The following KCNB2 variants were observed in gnomAD, a reference collection of about 807,000 sequenced individuals.
KCNB2 encodes delayed rectifier potassium channel protein.
KCNB2 carries 15 observed loss-of-function variants against 61.5 expected under a neutral mutation model. The ratio of observed to expected loss-of-function variants is 0.24; its 90% CI spans 0.16 to 0.38. The LOEUF (loss-of-function observed/expected upper bound fraction) is 0.38, where lower values mean the gene tolerates loss of function less well. Ranked by LOEUF, KCNB2 falls within the 10% of genes least tolerant of loss-of-function variation. The pLI is 1.00. For synonymous variants in KCNB2, 457 were observed against 446.0 expected (o/e 1.02, Z -0.31); for missense variants, 828 against 1,125.2 (o/e 0.74, Z 3.78).
At chr8:72,730,182 A>G (rs1807718157) in intron 2 of KCNB2, among the ~76,000 whole-genome samples, 1 of 152,152 alleles carries the variant, frequency 6.6e-6, no homozygotes, top group African/African-American at 2.4e-5. Context: ...TGTCGCCTAG[A>G]GGGTGGGGGA....
intron 2 of KCNB2, among the ~76,000 whole-genome samples, chr8:72,862,818 CTTA>C (rs1351839040): frequency 6.6e-6 from 1 of 152,124 alleles, no homozygotes; most frequent in Non-Finnish European, 1.5e-5. Flanking sequence ...CTAATGAGCC[CTTA>C]TTATGTGCTA....
At chr8:72,812,564 C>T (rs1027829790) in intron 2 of KCNB2, among the ~76,000 whole-genome samples, 3 of 151,900 alleles carry the variant, frequency 2.0e-5, no homozygotes, top group Non-Finnish European at 4.4e-5. Context: ...AAATATTTAT[C>T]AATTCTTACT....
intron 2 of KCNB2, among the ~76,000 whole-genome samples, chr8:72,717,714 A>G (rs1277039751): frequency 2.0e-5 from 3 of 152,126 alleles, no homozygotes; most frequent in African/African-American, 7.2e-5. Flanking sequence ...AAAACCCTAG[A>G]AGAAAACCTA....
intron 2 of KCNB2, among the ~76,000 whole-genome samples, chr8:72,698,617 T>TA (rs1310703347): frequency 1.3e-5 from 2 of 152,176 alleles, no homozygotes; most frequent in African/African-American, 4.8e-5. Flanking sequence ...CAAACTATAC[T>TA]ATAAGGCTAC....
At chr8:72,695,603 A>G (rs754365653) in intron 2 of KCNB2, among the ~76,000 whole-genome samples, 2 of 152,212 alleles carry the variant, frequency 1.3e-5, no homozygotes, top group African/African-American at 4.8e-5. Flanking sequence ...TGATTCATTC[A>G]TGATCTTATG....
intron 2 of KCNB2, among the ~76,000 whole-genome samples, chr8:72,582,902 G>A (rs1003701410): frequency 6.6e-6 from 1 of 152,170 alleles, no homozygotes; most frequent in African/African-American, 2.4e-5. Context: ...TTACAGGCAT[G>A]AGCCACCATG....
chr8:72,570,042 C>T (rs775999199), intron 2 of KCNB2, among the ~76,000 whole-genome samples: 4 of 152,024 alleles, frequency 2.6e-5, no homozygotes, highest in Non-Finnish European at 4.4e-5. Context: ...AGAATAAGGT[C>T]AACAACCTGA....
At chr8:72,776,280 T>G (rs1438964457) in intron 2 of KCNB2, among the ~76,000 whole-genome samples, 2 of 150,754 alleles carry the variant, frequency 1.3e-5, no homozygotes, top group Admixed American at 1.3e-4. Context: ...AGGGATAGCA[T>G]TAGGAGATAT....
intron 2 of KCNB2, among the ~76,000 whole-genome samples, chr8:72,868,072 TTTA>T (rs1805559728): frequency 6.9e-6 from 1 of 144,752 alleles, no homozygotes; most frequent in African/African-American, 2.8e-5. Flanking sequence ...TTTTTTATTA[TTTA>T]TTTTTTTTTT....
chr8:72,725,575 GTATA>G lies in KCNB2; in HGVS notation c.579+157270_579+157273del, dbSNP rs752447652. On this transcript the variant is annotated intron_variant, in intron 2 of 2. Transcript: ENST00000523207. ...TATATATGTATATATGTATATATAT[GTATA>G]TATATATGTATGTATATATATATAT... Among the ~76,000 whole-genome samples the G allele has an allele frequency of 5.1e-4, 41 of 80,486 alleles. 1 individual carries two copies. Among genetic ancestry groups the G allele is most frequent in the African/African-American group, 2.4e-3 (41 of 17,008 alleles). 52.8% of individuals were successfully genotyped at this position (80,486 alleles called of 152,430 possible). A position where few individuals can be genotyped will look rare whatever the true frequency, so the allele number is the denominator to read the frequency against.
rs369133929 is a variant in KCNB2, at chr8:72,781,250, T to C, written c.580-154685T>C. Among the ~76,000 whole-genome samples, 12 of 152,224 alleles carry C rather than the reference T, an allele frequency of 7.9e-5. No homozygotes were observed. The East Asian group carries it at 9.6e-4, about 12-fold the overall frequency. ...TCCCATTTGTCAATTTTAGCTTTTG[T>C]TGCAATTGCTTTTGATGTTTTTGTC... On this transcript the variant is annotated intron_variant, in intron 2 of 2. Transcript: ENST00000523207.
chr8:72,890,818 G>A (rs1166949177), intron 2 of KCNB2, among the ~76,000 whole-genome samples: 1 of 152,144 alleles, frequency 6.6e-6, no homozygotes, highest in Non-Finnish European at 1.5e-5. Flanking sequence ...TGTAAACAAC[G>A]ATAGATGTAG....
intron 2 of KCNB2, among the ~76,000 whole-genome samples, chr8:72,703,419 G>C (rs555261472): frequency 8.5e-5 from 13 of 152,152 alleles, no homozygotes; most frequent in Non-Finnish European, 1.6e-4. Flanking sequence ...CAACATCACT[G>C]CCACAACCTC....
chr8:72,598,905 T>C (rs1007048116), intron 2 of KCNB2, among the ~76,000 whole-genome samples: 23 of 152,090 alleles, frequency 1.5e-4, no homozygotes, highest in African/African-American at 5.3e-4. Flanking sequence ...GTGAAAGACC[T>C]CTTCAAGGAG....
At chr8:72,907,889 A>T (rs1433307711) in intron 2 of KCNB2, among the ~76,000 whole-genome samples, 1 of 152,198 alleles carries the variant, frequency 6.6e-6, no homozygotes, top group African/African-American at 2.4e-5. Context: ...AAGTTCTTAC[A>T]TTTAACTTCC....
intron 2 of KCNB2, among the ~76,000 whole-genome samples, chr8:72,810,008 C>T (rs149187401): frequency 0.013 from 1,918 of 152,240 alleles, 21 homozygotes; most frequent in Admixed American, 0.023. Context: ...GCTTAATATC[C>T]CTCTCACCTT....
At chr8:72,791,818 A>C (rs1363561839) in intron 2 of KCNB2, among the ~76,000 whole-genome samples, 1 of 152,222 alleles carries the variant, frequency 6.6e-6, no homozygotes, top group Non-Finnish European at 1.5e-5. Flanking sequence ...CACCTTTGCA[A>C]AGTAAAGAAA....
intron 2 of KCNB2, among the ~76,000 whole-genome samples, chr8:72,934,833 T>C (rs1806868647): frequency 6.6e-6 from 1 of 151,840 alleles, no homozygotes; most frequent in African/African-American, 2.4e-5. Context: ...TGCCTTACCC[T>C]CAAATCTGCA....
intron 2 of KCNB2, among the ~76,000 whole-genome samples, chr8:72,923,909 C>T (rs1806582389): frequency 6.6e-6 from 1 of 152,142 alleles, no homozygotes; most frequent in South Asian, 2.1e-4. Context: ...ACTGAAATGT[C>T]TAACTTCCAA....
Sources: gnomAD v4.1 joint callset for allele counts (sites outside exome capture counted in the v4.1 genomes callset) on GRCh38, gnomAD v4.1.1 for gene constraint, MANE v1.5 for transcripts, NCBI Gene and HGNC (gene_info 2026-07-23, HGNC 2026-07-21) for gene names.